The following CLEC16A variants were observed in gnomAD, a reference collection of about 807,000 sequenced individuals.
CLEC16A encodes the protein protein CLEC16A.
CLEC16A carries 51 observed loss-of-function variants against 109.5 expected under a neutral mutation model. That is an observed-to-expected ratio of 0.47 (90% CI 0.37 to 0.59). The LOEUF is 0.59. Ranked by LOEUF, CLEC16A falls within the 20% of genes least tolerant of loss-of-function variation. The pLI, the probability that CLEC16A is intolerant of heterozygous loss-of-function variation, is 0.00. For synonymous variants in CLEC16A, 673 were observed against 564.2 expected (o/e 1.19, Z -2.73); for missense variants, 1,339 against 1,394.0 (o/e 0.96, Z 0.63).
At chr16:11,130,793 C>A (rs983910998) in intron 22 of CLEC16A, among the ~76,000 whole-genome samples, 6 of 152,236 alleles carry the variant, frequency 3.9e-5, no homozygotes, top group African/African-American at 1.2e-4. Flanking sequence ...ACTCTGGCTG[C>A]TGCCTCGGGG....
intron 22 of CLEC16A, among the ~76,000 whole-genome samples, chr16:11,148,520 G>A (rs1237643607): frequency 6.6e-6 from 1 of 152,192 alleles, no homozygotes; most frequent in Non-Finnish European, 1.5e-5. Context: ...ATGACATAGG[G>A]ATTATTTCCC....
intron 20 of CLEC16A, among the ~76,000 whole-genome samples, chr16:11,123,524 G>A (rs2052582335): frequency 6.6e-6 from 1 of 152,122 alleles, no homozygotes; most frequent in South Asian, 2.1e-4. Context: ...CGCTCCTTTG[G>A]GGTACTCTGT....
chr16:11,067,417 G>C (rs760969540), intron 19 of CLEC16A, among the ~76,000 whole-genome samples: 5 of 151,952 alleles, frequency 3.3e-5, no homozygotes, highest in Admixed American at 2.0e-4. Context: ...AGGGCTGCAG[G>C]GGGGGTGTGG....
intron 18 of CLEC16A, among the ~76,000 whole-genome samples, chr16:11,051,902 C>G (rs1208671407): frequency 2.0e-5 from 3 of 152,238 alleles, no homozygotes; most frequent in South Asian, 4.1e-4. Context: ...TGCAGACAGA[C>G]AAGCCCTGAG....
intron 22 of CLEC16A, among the ~76,000 whole-genome samples, chr16:11,154,180 G>A (rs550075431): frequency 3.9e-5 from 6 of 152,292 alleles, no homozygotes; most frequent in East Asian, 1.9e-4. Flanking sequence ...TGTTCCCTCC[G>A]TCCCCATCCT....
At chr16:10,949,620 G>A (rs2041619749) in intron 1 of CLEC16A, among the ~76,000 whole-genome samples, 1 of 152,006 alleles carries the variant, frequency 6.6e-6, no homozygotes, top group Non-Finnish European at 1.5e-5. Flanking sequence ...CAGAGGCCAG[G>A]TCCCCTGGGG....
chr16:11,164,800 G>C (rs1395081286), intron 22 of CLEC16A, among the ~76,000 whole-genome samples: 2 of 152,218 alleles, frequency 1.3e-5, no homozygotes, highest in African/African-American at 4.8e-5. Flanking sequence ...GCCAACCCCT[G>C]CTAACACCCT....
At chr16:11,171,925 CAT>C (rs2068529215) in intron 23 of CLEC16A, among the ~76,000 whole-genome samples, 1 of 151,852 alleles carries the variant, frequency 6.6e-6, no homozygotes, top group African/African-American at 2.4e-5. Flanking sequence ...CACCAGTACA[CAT>C]ACACACTCAC....
intron 13 of CLEC16A, among the ~76,000 whole-genome samples, chr16:11,037,748 A>C (rs2047103460): frequency 6.6e-6 from 1 of 152,026 alleles, no homozygotes; most frequent in African/African-American, 2.4e-5. Context: ...TGGGCAATGC[A>C]CCTGGGACAC....
At chr16:11,047,556 T>C (rs376871400) in intron 17 of CLEC16A, 83 of 395,942 alleles carry the variant, frequency 2.1e-4, no homozygotes, top group African/African-American at 1.6e-3. Flanking sequence ...AGGTGTCCGA[T>C]GAATCAGGAT....
At chr16:11,049,598 C>A (rs573910176) in intron 17 of CLEC16A, among the ~76,000 whole-genome samples, 207 of 152,324 alleles carry the variant, frequency 1.4e-3, no homozygotes, top group African/African-American at 4.7e-3. Flanking sequence ...GAAAATCAGT[C>A]CTCAGCCTTC....
intron 13 of CLEC16A, among the ~76,000 whole-genome samples, chr16:11,031,316 C>T (rs2046729321): frequency 6.6e-6 from 1 of 151,700 alleles, no homozygotes; most frequent in Non-Finnish European, 1.5e-5. Flanking sequence ...GGACAGTGGG[C>T]AAGCTCCTCA....
chr16:11,104,442 A>G (rs995820484), intron 19 of CLEC16A, among the ~76,000 whole-genome samples: 12 of 152,184 alleles, frequency 7.9e-5, no homozygotes, highest in Admixed American at 6.5e-4. Context: ...CAGAGGTTTT[A>G]ACATATTCTC....
intron 10 of CLEC16A, among the ~76,000 whole-genome samples, chr16:10,984,683 C>T (rs2043521913): frequency 6.6e-6 from 1 of 152,210 alleles, no homozygotes; most frequent in African/African-American, 2.4e-5. Context: ...GTACAGCTGA[C>T]TCAGAGTTTA....
At chr16:11,011,971 GTTGT>G (rs1567193244) in intron 11 of CLEC16A, among the ~76,000 whole-genome samples, 1 of 152,072 alleles carries the variant, frequency 6.6e-6, no homozygotes, top group Non-Finnish European at 1.5e-5. Context: ...TTCACTTAGA[GTTGT>G]TTATTGCTTA....
intron 1 of CLEC16A, among the ~76,000 whole-genome samples, chr16:10,953,095 A>G (rs575546383): frequency 3.9e-5 from 6 of 152,268 alleles, no homozygotes; most frequent in East Asian, 1.9e-4. Context: ...AAACAGAAGG[A>G]AAGAAGTTGG....
In CLEC16A at chr16:11,009,784, G is replaced by T. The variant is rs149714709; in HGVS notation, c.1303+6479G>T. ...ACTTCAGTTTCCCCTGCCTTAACAT[G>T]CAGAGTTGAGGGTACATAAGTATTT... On this transcript the variant is annotated intron_variant, in intron 11 of 23. Coordinates refer to ENST00000409790, the MANE Select transcript of CLEC16A (RefSeq NM_015226.3). Among the ~76,000 whole-genome samples, 17 of 152,340 alleles carry T rather than the reference G, an allele frequency of 1.1e-4. No individual in the cohort carries two copies. The East Asian group carries it at 2.7e-3, about 24-fold the overall frequency.
intron 22 of CLEC16A, among the ~76,000 whole-genome samples, chr16:11,149,628 C>G (rs1239651744): frequency 2.0e-5 from 3 of 152,054 alleles, no homozygotes; most frequent in Non-Finnish European, 4.4e-5. Context: ...CCCATCTCCA[C>G]TAAAAATATA....
chr16:11,169,014 G>T (rs2068393251), intron 23 of CLEC16A, among the ~76,000 whole-genome samples: 1 of 152,186 alleles, frequency 6.6e-6, no homozygotes, highest in African/African-American at 2.4e-5. Context: ...CAGGCAGCGG[G>T]GTGGGCCAGG....
Sources: allele counts gnomAD v4.1 joint callset (sites outside exome capture counted in the v4.1 genomes callset), GRCh38; gene constraint gnomAD v4.1.1; transcripts MANE v1.5; gene names NCBI Gene and HGNC (gene_info 2026-07-23, HGNC 2026-07-21).